The following EEIG2 variants were observed in gnomAD, a reference collection of about 807,000 sequenced individuals.
EEIG2 encodes the protein family with sequence similarity 102 member B.
chr1:108,600,471 C>T, the EEIG2 span: 73,615 of 1,391,374 alleles, frequency 0.053, 2,261 homozygotes, highest in Non-Finnish European at 0.061. Context: ...TAACACATTA[C>T]TTTTGCATGT....
At chr1:108,606,417 A>G in the EEIG2 span, among the ~76,000 whole-genome samples, 4 of 152,178 alleles carry the variant, frequency 2.6e-5, no homozygotes, top group Admixed American at 2.6e-4. Flanking sequence ...AATTATAGGC[A>G]TATTCTTTCT....
chr1:108,586,949 T>G, the EEIG2 span, among the ~76,000 whole-genome samples: 2 of 152,190 alleles, frequency 1.3e-5, no homozygotes, highest in Non-Finnish European at 2.9e-5. Flanking sequence ...TGCCTTTTCT[T>G]GATTTGTTAT....
At chr1:108,560,910 A>T in the EEIG2 span, among the ~76,000 whole-genome samples, 1 of 152,134 alleles carries the variant, frequency 6.6e-6, no homozygotes, top group Non-Finnish European at 1.5e-5. Flanking sequence ...AAATAACCCA[A>T]ACTGCAGGAG....
At chr1:108,611,043 G>C in the EEIG2 span, among the ~76,000 whole-genome samples, 9 of 152,252 alleles carry the variant, frequency 5.9e-5, no homozygotes, top group East Asian at 1.5e-3. Flanking sequence ...ATTGCATTTG[G>C]GGCTTGTGGC....
At chr1:108,620,020 A>T in the EEIG2 span, among the ~76,000 whole-genome samples, 1 of 152,224 alleles carries the variant, frequency 6.6e-6, no homozygotes, top group African/African-American at 2.4e-5. Flanking sequence ...TCCCTAAAGG[A>T]GATCATGAAA....
chr1:108,593,904 C>G, the EEIG2 span, among the ~76,000 whole-genome samples: 1 of 152,120 alleles, frequency 6.6e-6, no homozygotes, highest in East Asian at 1.9e-4. Context: ...CTCCTGGGCT[C>G]AAGCAATCCT....
the EEIG2 span, among the ~76,000 whole-genome samples, chr1:108,598,388 A>G: frequency 7.1e-6 from 1 of 141,808 alleles, no homozygotes; most frequent in Non-Finnish European, 1.5e-5. Flanking sequence ...GCTTATTTTT[A>G]TTACTATTCA....
the EEIG2 span, chr1:108,612,174 A>G: frequency 6.9e-6 from 11 of 1,598,742 alleles, no homozygotes; most frequent in Non-Finnish European, 9.4e-6. Flanking sequence ...CTTTCTTTTC[A>G]TAGCTGGGCT....
At chr1:108,606,280 G>T in the EEIG2 span, 1 of 1,500,724 alleles carries the variant, frequency 6.7e-7, no homozygotes, top group South Asian at 1.3e-5. Context: ...TAACTGTTTT[G>T]GAACATGTAA....
chr1:108,581,912 T>G, the EEIG2 span, among the ~76,000 whole-genome samples: 1 of 152,158 alleles, frequency 6.6e-6, no homozygotes, highest in Non-Finnish European at 1.5e-5. Context: ...CTGTCAAACA[T>G]CACATGCTAC....
the EEIG2 span, among the ~76,000 whole-genome samples, chr1:108,590,877 C>CA: frequency 2.2e-4 from 33 of 151,984 alleles, no homozygotes; most frequent in Non-Finnish European, 3.1e-4. Context: ...ACAGTAGTCA[C>CA]AAAAAAATGG....
chr1:108,632,458 T>G, the EEIG2 span, among the ~76,000 whole-genome samples: 1 of 152,144 alleles, frequency 6.6e-6, no homozygotes, highest in African/African-American at 2.4e-5. Flanking sequence ...ATTGGCATTT[T>G]AGAAAAATAA....
At chr1:108,609,816 C>T in the EEIG2 span, among the ~76,000 whole-genome samples, 15 of 152,020 alleles carry the variant, frequency 9.9e-5, no homozygotes, top group Admixed American at 2.0e-4. Flanking sequence ...GAAAACCAAA[C>T]GCTGCATGTT....
At chr1:108,567,321 A>G in the EEIG2 span, among the ~76,000 whole-genome samples, 1 of 152,206 alleles carries the variant, frequency 6.6e-6, no homozygotes, top group Non-Finnish European at 1.5e-5. Context: ...TCTTCAAGAT[A>G]TTCCCGTGAG....
At chr1:108,605,355 G>C in the EEIG2 span, among the ~76,000 whole-genome samples, 1 of 152,090 alleles carries the variant, frequency 6.6e-6, no homozygotes, top group Non-Finnish European at 1.5e-5. Flanking sequence ...GCAGGGAAGG[G>C]GAGGAACAGC....
chr1:108,629,710 AATC>A, the EEIG2 span: 1 of 1,372,552 alleles, frequency 7.3e-7, no homozygotes, highest in Non-Finnish European at 1.0e-6. Flanking sequence ...TTTTTAAAAA[AATC>A]ATGAGTAGAG....
the EEIG2 span, among the ~76,000 whole-genome samples, chr1:108,565,362 C>T: frequency 3.3e-5 from 5 of 152,268 alleles, no homozygotes; most frequent in East Asian, 1.9e-4. Context: ...CTGACCACAT[C>T]GTGTATTTGG....
the EEIG2 span, among the ~76,000 whole-genome samples, chr1:108,568,508 T>C: frequency 6.6e-6 from 1 of 152,198 alleles, no homozygotes; most frequent in Non-Finnish European, 1.5e-5. Flanking sequence ...TATATGTATA[T>C]TTTACATTCC....
the EEIG2 span, among the ~76,000 whole-genome samples, chr1:108,607,698 A>G: frequency 6.6e-6 from 1 of 152,160 alleles, no homozygotes. Flanking sequence ...TTTGCTATCA[A>G]GGAATAGCAG....
Sources: gnomAD v4.1 joint callset for allele counts (sites outside exome capture counted in the v4.1 genomes callset) on GRCh38, gnomAD v4.1.1 for gene constraint, MANE v1.5 for transcripts, NCBI Gene and HGNC (gene_info 2026-07-23, HGNC 2026-07-21) for gene names.